The following KDM3B variants were observed in gnomAD, a reference collection of about 807,000 sequenced individuals.
KDM3B encodes lysine demethylase 3B.
KDM3B carries 10 observed loss-of-function variants against 170.0 expected under a neutral mutation model. That is an observed-to-expected ratio of 0.06 (90% CI 0.04 to 0.10). The LOEUF (loss-of-function observed/expected upper bound fraction) is 0.10. Ranked by LOEUF, KDM3B falls within the 10% of genes least tolerant of loss-of-function variation. The probability of loss-of-function intolerance (pLI) is 1.00; values close to 1 mark genes in which losing one functional copy is unlikely to be tolerated. For synonymous variants in KDM3B, 831 were observed against 834.8 expected (o/e 1.00, Z 0.08); for missense variants, 1,394 against 2,195.2 (o/e 0.64, Z 7.29).
intron 7 of KDM3B, among the ~76,000 whole-genome samples, chr5:138,390,061 G>C (rs146039329): frequency 1.1e-3 from 164 of 151,926 alleles, no homozygotes; most frequent in Non-Finnish European, 1.7e-3. Context: ...GGGTTTCACC[G>C]TGTTGGCCAG....
In KDM3B at chr5:138,425,998, T is replaced by A. The variant is rs918646352; in HGVS notation, c.4411+416T>A. 5.3e-4 allele frequency: 84 copies of A among 157,014 alleles called. 1 individual carries two copies. Among genetic ancestry groups the A allele is most frequent in the Admixed American group, 1.2e-3 (20 of 16,248 alleles). The allele number at this position is 157,014 out of a possible 1,614,324, so 9.7% of individuals were successfully genotyped here. ...TCCAGCCTCGGTGATGGAGTGAGAC[T>A]GTCTCAAAAATAAATAAATAAATAA... On this transcript the variant is annotated intron_variant, in intron 17 of 23. Coordinates refer to ENST00000314358, the MANE Select transcript of KDM3B (RefSeq NM_016604.4).
chr5:138,397,917 A>C (rs1039579491), intron 9 of KDM3B: 4 of 300,890 alleles, frequency 1.3e-5, no homozygotes, highest in Non-Finnish European at 2.4e-5. Context: ...CACATTCAGC[A>C]GTATGGGTGC....
intron 9 of KDM3B, among the ~76,000 whole-genome samples, chr5:138,395,124 A>G (rs1291880617): frequency 6.6e-6 from 1 of 152,168 alleles, no homozygotes; most frequent in Non-Finnish European, 1.5e-5. Flanking sequence ...GCCGTGTTAA[A>G]TTTGAGATGC....
chr5:138,390,940 T>A, intron 7 of KDM3B, 73 bp from the exon 8 acceptor site: 2 of 1,373,186 alleles, frequency 1.5e-6, no homozygotes, highest in Non-Finnish European at 2.0e-6. Flanking sequence ...CTGGTGATAG[T>A]GAGGTCCAAG....
chr5:138,425,194 T>C (rs115994579), intron 16 of KDM3B, among the ~76,000 whole-genome samples: 5,980 of 152,302 alleles, frequency 0.039, 147 homozygotes, highest in Admixed American at 0.055. Flanking sequence ...CAGAAGTGAT[T>C]TCCCCAGGGT....
At chr5:138,394,496 A>C (rs757665890) in intron 9 of KDM3B, among the ~76,000 whole-genome samples, 2 of 152,224 alleles carry the variant, frequency 1.3e-5, no homozygotes, top group Admixed American at 1.3e-4. Flanking sequence ...TGATCTGAGA[A>C]AGTGAGAGTT....
At chr5:138,431,680 G>A (rs1230892091) in intron 23 of KDM3B, 121 bp downstream of exon 23, 2 of 910,850 alleles carry the variant, frequency 2.2e-6, no homozygotes, top group Non-Finnish European at 3.1e-6. Flanking sequence ...GAGGAGAAAT[G>A]ATGCAGGGAA....
Position 138,431,830 on chromosome 5 carries a change from T to G in KDM3B, c.5205+271T>G, listed in dbSNP as rs187141620. Among the ~76,000 whole-genome samples the G allele has an allele frequency of 1.1e-4, 17 of 152,104 alleles. No individual in the cohort carries two copies. The East Asian group carries it at 3.3e-3, about 29-fold the overall frequency. On this transcript the variant is annotated intron_variant, in intron 23 of 23. Transcript: ENST00000314358. The stretch of plus-strand genomic sequence containing the variant: ...CAGGAAACTGAGGCAGGAGAATTGC[T>G]TGAACTGGGAGGTGGAGGTTGCAGT...
intron 23 of KDM3B, among the ~76,000 whole-genome samples, chr5:138,432,409 T>C (rs1464853872): frequency 6.9e-6 from 1 of 145,976 alleles, no homozygotes; most frequent in Non-Finnish European, 1.5e-5. Context: ...TTAGGTACTT[T>C]AGTTGCATAA....
chr5:138,409,223 A>C (rs1762900778), intron 11 of KDM3B, among the ~76,000 whole-genome samples: 1 of 152,192 alleles, frequency 6.6e-6, no homozygotes, highest in South Asian at 2.1e-4. Context: ...AAGGAAAACA[A>C]AAGAAGAGAC....
chr5:138,404,164 A>G (rs555729440), intron 11 of KDM3B, among the ~76,000 whole-genome samples: 1 of 152,362 alleles, frequency 6.6e-6, no homozygotes, highest in Admixed American at 6.5e-5. Flanking sequence ...ACATACAAGT[A>G]GAGTTTCAGA....
At chr5:138,380,931 A>G (rs547154019) in intron 5 of KDM3B, among the ~76,000 whole-genome samples, 1 of 151,414 alleles carries the variant, frequency 6.6e-6, no homozygotes, top group Admixed American at 6.6e-5. Flanking sequence ...CTGGAGTGCA[A>G]TGGCACGATC....
chr5:138,386,476 A>T lies in KDM3B; in HGVS notation c.1235A>T (p.Gln412Leu), dbSNP rs368600560. Reference sequence around the variant, plus strand: ...AAAGAGGCAGGAAAAACACTGGAACAAGTTGGCCAGGGCATAGTGGCTTCC... The same window carrying T: ...AAAGAGGCAGGAAAAACACTGGAACTAGTTGGCCAGGGCATAGTGGCTTCC... ...ENKEAGKTLE[Q>L]VGQGIVASAA... is the part of the protein sequence containing the mutation. Residue 412 changes from glutamine to leucine, a missense_variant, in exon 7 of 24, where the codon CAA becomes CTA. Transcript: ENST00000314358. 6.2e-7 allele frequency: 1 copy of T among 1,614,028 alleles called. No homozygotes were observed. Among genetic ancestry groups the T allele is most frequent in the African/African-American group, 1.3e-5 (1 of 74,900 alleles).
At position 138,415,211 on chromosome 5, in the gene KDM3B, C is replaced by A. The variant is rs756460625; in HGVS notation, c.3279C>A (p.Leu1093=). 6.2e-7 allele frequency: 1 copy of A among 1,607,762 alleles called. No homozygotes were observed. Among genetic ancestry groups the A allele is most frequent in the South Asian group, 1.1e-5 (1 of 90,322 alleles). ...GACAGTCCCACGAACCAGAGAATCT[C>A]ATGCCCACACAAATTATTCCTGGCA... ...AKGQSHEPEN[L]MPTQIIPGTA... Residue 1093 remains leucine, a synonymous_variant, in exon 12 of 24, where the codon CTC becomes CTA. Coordinates refer to ENST00000314358, the MANE Select transcript of KDM3B (RefSeq NM_016604.4).
At chr5:138,392,582 G>C (rs1164104119) in intron 8 of KDM3B, among the ~76,000 whole-genome samples, 1 of 152,078 alleles carries the variant, frequency 6.6e-6, no homozygotes, top group Non-Finnish European at 1.5e-5. Context: ...ACTTCACTTT[G>C]GCCCATCCTC....
At chr5:138,396,297 G>A (rs62380940) in intron 9 of KDM3B, among the ~76,000 whole-genome samples, 60,341 of 151,376 alleles carry the variant, frequency 0.4, 12,252 homozygotes, top group East Asian at 0.57. Flanking sequence ...GGGTTTCACC[G>A]TGTTAGCCAG....
At chr5:138,363,018 T>G (rs1484433542) in intron 1 of KDM3B, among the ~76,000 whole-genome samples, 1 of 151,914 alleles carries the variant, frequency 6.6e-6, no homozygotes, top group Non-Finnish European at 1.5e-5. Context: ...TTTTCCTTGT[T>G]GTGATGCCCC....
At chr5:138,415,447 A>G (rs755057431) in intron 12 of KDM3B, among the ~76,000 whole-genome samples, 7 of 151,752 alleles carry the variant, frequency 4.6e-5, no homozygotes, top group Admixed American at 2.6e-4. Context: ...ACACTTCTGT[A>G]TTATTATTGA....
At chr5:138,358,386 CCT>C (rs909397219) in intron 1 of KDM3B, among the ~76,000 whole-genome samples, 1 of 144,194 alleles carries the variant, frequency 6.9e-6, no homozygotes, top group African/African-American at 2.6e-5. Context: ...CTCACTGCAA[CCT>C]CTCTCTCCCA....
Sources: gnomAD v4.1 joint callset for allele counts (sites outside exome capture counted in the v4.1 genomes callset) on GRCh38, gnomAD v4.1.1 for gene constraint, MANE v1.5 for transcripts, NCBI Gene and HGNC (gene_info 2026-07-23, HGNC 2026-07-21) for gene names.